Variants in CAND2 observed in about 807,000 individuals in gnomAD.
CAND2 encodes cullin-associated NEDD8-dissociated protein 2.
Under a neutral mutation model 98.9 loss-of-function variants are expected in CAND2, and 62 were observed. The ratio of observed to expected loss-of-function variants is 0.63; its 90% confidence interval spans 0.51 to 0.77. The LOEUF (loss-of-function observed/expected upper bound fraction) is 0.77. CAND2 is among the 30% of genes least tolerant of loss of function. The pLI, the probability that CAND2 is intolerant of heterozygous loss-of-function variation, is 0.00. For synonymous variants in CAND2, 770 were observed against 731.9 expected, an observed-to-expected ratio of 1.05 and a Z score of -0.84; for missense variants, 1,501 against 1,655.2, an observed-to-expected ratio of 0.91 and a Z score of 1.62.
chr3:12,808,178 G>A, intron 3 of CAND2, 32 bp from the exon 4 acceptor site: 8 of 1,549,524 alleles, frequency 5.2e-6, no homozygotes, highest in African/African-American at 1.4e-5. Context: ...CCAGGCCAGG[G>A]CCTCACTGTG....
At chr3:12,797,578 A>G (rs554961726) in intron 1 of CAND2, among the ~76,000 whole-genome samples, 2 of 152,234 alleles carry the variant, frequency 1.3e-5, no homozygotes, top group Admixed American at 6.5e-5. Flanking sequence ...ATCTGGTCCA[A>G]TGAGTTTCCA....
chr3:12,806,593 A>G (rs2061807673), intron 2 of CAND2, among the ~76,000 whole-genome samples: 2 of 152,284 alleles, frequency 1.3e-5, no homozygotes, highest in Non-Finnish European at 2.9e-5. Flanking sequence ...TCTGAAACCA[A>G]TTAACTGAGA....
At chr3:12,826,436 GT>G (rs11356582) in intron 12 of CAND2, among the ~76,000 whole-genome samples, 105,048 of 151,348 alleles carry the variant, frequency 0.69, 36,877 homozygotes, top group African/African-American at 0.79. Flanking sequence ...CTTTTTTGTT[GT>G]TTTTTTTTGA....
Position 12,825,493 on chromosome 3 carries a change from G to A in CAND2, c.3064G>A (p.Asp1022Asn). 3 of 1,561,184 alleles carry A rather than the reference G, an allele frequency of 1.9e-6. No individual in the cohort carries two copies. Among genetic ancestry groups the A allele is most frequent in the Non-Finnish European group, 1.7e-6 (2 of 1,151,702 alleles). ...AGGAGAGTTCATGGAGAGCCTGCAG[G>A]ACCCAGACCTGAACGTGCGCCGTGC... The part of the protein sequence containing the change: ...FIGEFMESLQ[D>N]PDLNVRRATL... Residue 1022 changes from aspartate to asparagine, a missense_variant, in exon 12 of 15, where the codon GAC becomes AAC. By Grantham distance (23) the Asp-to-Asn change is conservative. Around this residue, in one of 3 missense-constraint regions of CAND2, gnomAD observed 1,427 missense variants for 1,545.3 expected, o/e 0.92. Transcript: ENST00000456430.
rs374599972 is a variant in CAND2 at position 12,796,768 on chromosome 3, G to A, written c.48G>A (p.Thr16=). ...FHISSLLEKM[T]SSDKDFRFMA... ...TCTCCAGCCTCCTGGAGAAGATGACGTCCAGCGACAAGGACTTCAGGTGCA... is the reference window on the plus strand; with the variant it reads ...TCTCCAGCCTCCTGGAGAAGATGACATCCAGCGACAAGGACTTCAGGTGCA... Residue 16 remains threonine, a synonymous_variant, in exon 1 of 15, where the codon ACG becomes ACA. Transcript: ENST00000456430. 383 of 1,589,456 alleles carry A rather than the reference G, an allele frequency of 2.4e-4. 2 individuals carry two copies. Among genetic ancestry groups the A allele is most frequent in the Non-Finnish European group, 2.6e-4 (300 of 1,167,564 alleles).
chr3:12,834,185 A>G lies in CAND2; in HGVS notation c.*203A>G. 1.7e-6 allele frequency: 1 copy of G among 592,548 alleles called. No individual in the cohort carries two copies. Among genetic ancestry groups the G allele is most frequent in the Non-Finnish European group, 3.0e-6 (1 of 332,800 alleles). The allele number at this position is 592,548 out of a possible 1,614,324, so 36.7% of individuals were successfully genotyped here. On this transcript the variant is annotated 3_prime_UTR_variant, in exon 15 of 15. Coordinates refer to ENST00000456430, the MANE Select transcript of CAND2 (RefSeq NM_001162499.2). ...CAGCCCAAGCTGTGAGGCTGCCAAC[A>G]GTTGGGCCCCTTCCTTAACTCAGGA...
rs771928915 is a variant in CAND2 at position 12,817,510 on chromosome 3, C to T, written c.2578C>T (p.Arg860Trp). ...TCAGGTGGCTGGGCCAGGCCACCAG[C>T]GGGAGCTGAAGGCGGTGCTCCTGGA... is the stretch of plus-strand genomic sequence containing the variant. The part of the protein sequence containing the change: ...VGQVAGPGHQ[R>W]ELKAVLLEAL... Residue 860 changes from arginine to tryptophan, a missense_variant, in exon 10 of 15, where the codon CGG becomes TGG. Around this residue, in one of 3 missense-constraint regions of CAND2, gnomAD observed 1,427 missense variants for 1,545.3 expected, o/e 0.92. Coordinates refer to ENST00000456430, the MANE Select transcript of CAND2 (RefSeq NM_001162499.2). 1.5e-5 allele frequency: 24 copies of T among 1,613,420 alleles called. No individual in the cohort carries two copies. In the South Asian group the frequency reaches 1.9e-4, roughly 13 times the overall value.
chr3:12,834,219 C>CAAAG lies in CAND2; in HGVS notation c.*241_*244dup. ...CCTTCCTTAACTCAGGACAGTCATC[C>CAAAG]AAAGAAATAGGGTGAGGAAGTTTTC... On this transcript the variant is annotated 3_prime_UTR_variant, in exon 15 of 15. Coordinates refer to ENST00000456430, the MANE Select transcript of CAND2 (RefSeq NM_001162499.2). 1 of 554,780 alleles carries CAAAG rather than the reference C, an allele frequency of 1.8e-6. No homozygotes were observed. Among genetic ancestry groups the CAAAG allele is most frequent in the Non-Finnish European group, 3.2e-6 (1 of 308,676 alleles). 34.4% of individuals were successfully genotyped at this position (554,780 alleles called of 1,614,324 possible). A position where few individuals can be genotyped will look rare whatever the true frequency, so the allele number is the denominator to read the frequency against.
At chr3:12,797,402 A>G (rs1430840117) in intron 1 of CAND2, among the ~76,000 whole-genome samples, 2 of 150,922 alleles carry the variant, frequency 1.3e-5, no homozygotes, top group Non-Finnish European at 3.0e-5. Context: ...AGCCTAAAGG[A>G]GGGGGCTGGG....
Position 12,820,123 on chromosome 3 carries a change from C to G in CAND2, c.2982C>G (p.Val994=). The change falls in exon 11 of 15, where the codon GTC becomes GTG. Residue 994 remains valine (V), a synonymous_variant. Coordinates refer to ENST00000456430, the MANE Select transcript of CAND2 (RefSeq NM_001162499.2). Reference sequence around the variant, plus strand: ...CCCGGAGCACCGTCATCACAGCGGTCAAGTTCCTTATCTCGGACCAGCCCC... The same window carrying G: ...CCCGGAGCACCGTCATCACAGCGGTGAAGTTCCTTATCTCGGACCAGCCCC... ...PHTRSTVITA[V]KFLISDQPHP... 1 of 1,614,198 alleles carries G rather than the reference C, an allele frequency of 6.2e-7. No individual in the cohort carries two copies. Among genetic ancestry groups the G allele is most frequent in the Non-Finnish European group, 8.5e-7 (1 of 1,180,018 alleles).
rs1382970853 is a variant in CAND2, at chr3:12,810,201, G to A, written c.634G>A (p.Val212Ile). ...GGCCGCCTGCAGCACCGACCTCTTC[G>A]TCGAGCTCGCTGACCACCTACTGGA... ...LAAACSTDLF[V>I]ELADHLLDRL... Residue 212 changes from valine to isoleucine, a missense_variant, in exon 5 of 15, where the codon GTC (valine) becomes ATC (isoleucine). Val to Ile is a conservative substitution (Grantham distance 29, BLOSUM62 3). Around this residue, in one of 3 missense-constraint regions of CAND2, gnomAD observed 1,427 missense variants for 1,545.3 expected, o/e 0.92. Transcript: ENST00000456430. 1.6e-5 allele frequency: 24 copies of A among 1,541,594 alleles called. No homozygotes were observed. The highest frequency in any genetic ancestry group is 1.9e-5 in the Non-Finnish European group (22 of 1,148,534).
chr3:12,819,136 T>C (rs2061934044), intron 10 of CAND2, among the ~76,000 whole-genome samples: 1 of 152,218 alleles, frequency 6.6e-6, no homozygotes, highest in Non-Finnish European at 1.5e-5. Flanking sequence ...GCCTTGTTCT[T>C]GTTTTCAGTT....
At chr3:12,804,102 G>C (rs1326808492) in intron 2 of CAND2, among the ~76,000 whole-genome samples, 1 of 152,136 alleles carries the variant, frequency 6.6e-6, no homozygotes, top group Non-Finnish European at 1.5e-5. Context: ...TCCAGCCAGA[G>C]AAAGCCCTCA....
intron 2 of CAND2, 125 bp from the exon 3 acceptor site, chr3:12,807,181 C>T: frequency 1.2e-6 from 1 of 822,168 alleles, no homozygotes; most frequent in Non-Finnish European, 1.9e-6. Context: ...AACAGGGGCT[C>T]CCCTGATGAT....
At position 12,796,689 on chromosome 3, in the gene CAND2, C is replaced by G; in HGVS notation, c.-32C>G. The G allele has an allele frequency of 1.3e-6, 2 of 1,558,720 alleles. No homozygotes were observed. Among genetic ancestry groups the G allele is most frequent in the South Asian group, 2.4e-5 (2 of 84,886 alleles). ...GGGCGCCCGCGCCGCCATATTCCCT[C>G]CCGCCGGCCGGCTCCGCGGCGCGCA... On this transcript the variant is annotated 5_prime_UTR_variant, in exon 1 of 15. Transcript: ENST00000456430.
At chr3:12,803,969 T>A (rs2061787103) in intron 2 of CAND2, among the ~76,000 whole-genome samples, 1 of 152,072 alleles carries the variant, frequency 6.6e-6, no homozygotes. Flanking sequence ...ATAGGACATG[T>A]CCCTTGGACT....
chr3:12,806,149 T>C (rs1363635010), intron 2 of CAND2, among the ~76,000 whole-genome samples: 1 of 151,896 alleles, frequency 6.6e-6, no homozygotes, highest in East Asian at 1.9e-4. Flanking sequence ...CTGGGCAACA[T>C]AGCGAGACAC....
chr3:12,833,419 T>A (rs2124878622), intron 14 of CAND2, among the ~76,000 whole-genome samples: 1 of 152,216 alleles, frequency 6.6e-6, no homozygotes, highest in East Asian at 1.9e-4. Context: ...ATAGGCTGGA[T>A]CCCTGCAGTC....
chr3:12,813,032 G>A lies in CAND2; in HGVS notation c.800G>A (p.Cys267Tyr). Residue 267 changes from cysteine (C) to tyrosine (Y), a missense_variant, in exon 6 of 15, where the codon TGC becomes TAC. Cys to Tyr is a radical substitution (Grantham distance 194). Around this residue, in one of 3 missense-constraint regions of CAND2, gnomAD observed 1,427 missense variants for 1,545.3 expected, o/e 0.92. Coordinates refer to ENST00000456430, the MANE Select transcript of CAND2 (RefSeq NM_001162499.2). Reference protein sequence around the residue: ...DRLVPLVEDFCNLDDDELRES... With the variant: ...DRLVPLVEDFYNLDDDELRES... The stretch of plus-strand genomic sequence containing the variant: ...CTGGTGCCCCTGGTGGAGGATTTCT[G>A]CAACCTGGATGATGATGAGCTCCGG... 1 of 1,583,834 alleles carries A rather than the reference G, an allele frequency of 6.3e-7. No homozygotes were observed. The highest frequency in any genetic ancestry group is 8.6e-7 in the Non-Finnish European group (1 of 1,165,960).
Sources: allele counts gnomAD v4.1 joint callset (sites outside exome capture counted in the v4.1 genomes callset), GRCh38; gene constraint gnomAD v4.1.1; regional missense constraint gnomAD v4.1.1; transcripts MANE v1.5; gene names NCBI Gene and HGNC (gene_info 2026-07-23, HGNC 2026-07-21).